VAT1L: variants seen among roughly 807,000 people sequenced by gnomAD.
The protein encoded by VAT1L is vesicle amine transport 1 like.
Under a neutral mutation model 44.1 loss-of-function variants are expected in VAT1L, and 34 were observed. The ratio of observed to expected loss-of-function variants is 0.77; its 90% confidence interval spans 0.59 to 1.03. VAT1L has a LOEUF of 1.03. Ranked by LOEUF, VAT1L falls within the 50% of genes least tolerant of loss-of-function variation. The pLI, the probability that VAT1L is intolerant of heterozygous loss-of-function variation, is 0.00. For missense variants in VAT1L, 615 were observed against 538.8 expected (o/e 1.14, Z -1.40); for synonymous variants, 253 against 202.2 (o/e 1.25, Z -2.13).
chr16:77,883,622 C>T (rs920508168), intron 6 of VAT1L, among the ~76,000 whole-genome samples: 1 of 152,176 alleles, frequency 6.6e-6, no homozygotes, highest in African/African-American at 2.4e-5. Flanking sequence ...CCTCCCGCTT[C>T]AGTCATCACA....
Position 77,968,774 on chromosome 16 carries a change from G to A in VAT1L, c.1078-3076G>A, listed in dbSNP as rs139574620. Among the ~76,000 whole-genome samples the A allele has an allele frequency of 9.9e-5, 15 of 152,154 alleles. 1 individual carries two copies. In the East Asian group the frequency reaches 2.9e-3, roughly 30 times the overall value. The stretch of plus-strand genomic sequence containing the variant: ...CATGGGGACAGGCTCTGCTACGAGG[G>A]TTTGTGATAAAGGATTAATTTTTTT... On this transcript the variant is annotated intron_variant, in intron 7 of 8. Transcript: ENST00000302536.
chr16:77,930,113 G>T (rs181977134), intron 7 of VAT1L, among the ~76,000 whole-genome samples: 1 of 152,204 alleles, frequency 6.6e-6, no homozygotes, highest in East Asian at 1.9e-4. Context: ...TATCCTTCTT[G>T]AAACAAACCA....
At chr16:77,938,097 C>T (rs907637745) in intron 7 of VAT1L, among the ~76,000 whole-genome samples, 5 of 152,118 alleles carry the variant, frequency 3.3e-5, no homozygotes, top group Admixed American at 2.0e-4. Context: ...ACATGTGGAC[C>T]ACTTGGGACC....
intron 7 of VAT1L, among the ~76,000 whole-genome samples, chr16:77,937,308 C>T (rs892596105): frequency 2.8e-4 from 42 of 152,154 alleles, no homozygotes; most frequent in South Asian, 2.1e-4. Flanking sequence ...GGGCGGGTGG[C>T]CAGAGACCTT....
At chr16:77,849,359 A>G (rs1439339031) in intron 3 of VAT1L, among the ~76,000 whole-genome samples, 1 of 152,224 alleles carries the variant, frequency 6.6e-6, no homozygotes, top group Non-Finnish European at 1.5e-5. Context: ...ATGTGAAGAA[A>G]TCATCATTCG....
chr16:77,933,215 C>G (rs1370862673), intron 7 of VAT1L, among the ~76,000 whole-genome samples: 1 of 152,178 alleles, frequency 6.6e-6, no homozygotes, highest in Non-Finnish European at 1.5e-5. Context: ...ATAGTAAACC[C>G]CTATCTTAGT....
At chr16:77,864,967 C>CTTTTTTTTTTTTTTTTTTTTTTTTTT in intron 4 of VAT1L, among the ~76,000 whole-genome samples, 1 of 95,380 alleles carries the variant, frequency 1.0e-5, no homozygotes, top group Non-Finnish European at 1.9e-5. Context: ...TCTTCTTATC[C>CTTTTTTTTTTTTTTTTTTTTTTTTTT]TTTTTTTTTT....
At chr16:77,947,825 T>C (rs1289042291) in intron 7 of VAT1L, among the ~76,000 whole-genome samples, 1 of 152,248 alleles carries the variant, frequency 6.6e-6, no homozygotes, top group Admixed American at 6.5e-5. Flanking sequence ...AATGGCATGA[T>C]CTTGGCTCAC....
intron 7 of VAT1L, among the ~76,000 whole-genome samples, chr16:77,887,584 GA>G (rs2017222130): frequency 6.6e-6 from 1 of 152,164 alleles, no homozygotes; most frequent in Admixed American, 6.5e-5. Flanking sequence ...AGTGCTGGGG[GA>G]AATGGTGCTT....
chr16:77,849,482 T>TA (rs1157119824), intron 3 of VAT1L, among the ~76,000 whole-genome samples: 1 of 152,220 alleles, frequency 6.6e-6, no homozygotes, highest in Non-Finnish European at 1.5e-5. Context: ...GTCCTAGTGA[T>TA]ACCAGTGTTT....
At chr16:77,851,015 T>TG (rs1251187833) in intron 3 of VAT1L, among the ~76,000 whole-genome samples, 4 of 152,210 alleles carry the variant, frequency 2.6e-5, no homozygotes, top group Non-Finnish European at 5.9e-5. Context: ...ACACAAGCCT[T>TG]GCTATGGTCT....
At chr16:77,806,197 TTTTC>T (rs149447341) in intron 1 of VAT1L, among the ~76,000 whole-genome samples, 12,898 of 150,614 alleles carry the variant, frequency 0.086, 723 homozygotes, top group East Asian at 0.23. Context: ...ATCTCTTTCT[TTTTC>T]TTTCTATTTA....
chr16:77,866,612 GAA>G, intron 4 of VAT1L, among the ~76,000 whole-genome samples: 1 of 115,228 alleles, frequency 8.7e-6, no homozygotes, highest in African/African-American at 3.0e-5. Context: ...CAATGAACCA[GAA>G]AAAAAAAAAA....
At chr16:77,948,051 C>T (rs560433398) in intron 7 of VAT1L, among the ~76,000 whole-genome samples, 10 of 152,276 alleles carry the variant, frequency 6.6e-5, no homozygotes, top group South Asian at 6.2e-4. Flanking sequence ...TGTACCACCG[C>T]GCCCGGCCCC....
At chr16:77,939,101 G>A (rs1175083063) in intron 7 of VAT1L, among the ~76,000 whole-genome samples, 1 of 152,108 alleles carries the variant, frequency 6.6e-6, no homozygotes, top group African/African-American at 2.4e-5. Context: ...TTAGTTCCTA[G>A]GTACTCCACC....
At position 77,788,760 on chromosome 16, in the gene VAT1L, G is replaced by GGGC. The variant is rs1303161277; in HGVS notation, c.89_91dup (p.Gly30dup). The stretch of plus-strand genomic sequence containing the variant: ...AGGAGGCAGGCAAGGAGCCGGCGGA[G>GGGC]GGCGGCGGCGGCGACGGCTCGCACC... On this transcript the variant is annotated inframe_insertion, in exon 1 of 9. Coordinates refer to ENST00000302536, the MANE Select transcript of VAT1L (RefSeq NM_020927.3). 3.2e-6 allele frequency: 5 copies of GGGC among 1,562,306 alleles called. No homozygotes were observed. Among genetic ancestry groups the GGGC allele is most frequent in the East Asian group, 2.4e-5 (1 of 42,542 alleles).
At chr16:77,960,540 T>G (rs750932711) in intron 7 of VAT1L, among the ~76,000 whole-genome samples, 27 of 152,152 alleles carry the variant, frequency 1.8e-4, no homozygotes, top group Admixed American at 6.5e-4. Context: ...GCATAGCTAC[T>G]TCCAGAGACC....
chr16:77,931,338 C>A (rs1317674601), intron 7 of VAT1L, among the ~76,000 whole-genome samples: 1 of 151,996 alleles, frequency 6.6e-6, no homozygotes, highest in African/African-American at 2.4e-5. Flanking sequence ...AAACTGAGAC[C>A]CACAAAGAAA....
At chr16:77,945,885 C>T (rs182243317) in intron 7 of VAT1L, among the ~76,000 whole-genome samples, 2 of 151,842 alleles carry the variant, frequency 1.3e-5, no homozygotes, top group Admixed American at 6.6e-5. Context: ...TCACTGCCCC[C>T]TCTGCTTCCC....
Sources: gnomAD v4.1 joint callset for allele counts (sites outside exome capture counted in the v4.1 genomes callset) on GRCh38, gnomAD v4.1.1 for gene constraint, MANE v1.5 for transcripts, NCBI Gene and HGNC (gene_info 2026-07-23, HGNC 2026-07-21) for gene names.